Variants in ZNF782 observed in about 807,000 individuals in gnomAD.
ZNF782 encodes the protein zinc finger protein 782.
In ZNF782, 12 loss-of-function variants were observed where a neutral mutation model predicts 13.0. The observed-to-expected ratio is 0.92, with a 90% CI of 0.59 to 1.50. ZNF782 has a LOEUF of 1.50. ZNF782 is among the 40% of genes most tolerant of loss of function. The pLI is 0.00. For missense variants in ZNF782, 770 were observed against 822.9 expected, an observed-to-expected ratio of 0.94 and a Z score of 0.79; for synonymous variants, 284 against 283.0, an observed-to-expected ratio of 1.00 and a Z score of -0.04.
At chr9:96,909,938 A>G in the ZNF782 span, 2 of 391,788 alleles carry the variant, frequency 5.1e-6, no homozygotes, top group Non-Finnish European at 9.6e-6. Flanking sequence ...CTGAAAAGCC[A>G]TCTTTGCATT....
At chr9:96,864,355 TAA>T (rs777452653) in intron 1 of ZNF782, among the ~76,000 whole-genome samples, 1 of 151,946 alleles carries the variant, frequency 6.6e-6, no homozygotes, top group East Asian at 1.9e-4. Flanking sequence ...TGGAAAAACA[TAA>T]AAGAGTTTAT....
chr9:96,929,184 T>G, the ZNF782 span: 9 of 1,294,224 alleles, frequency 7.0e-6, no homozygotes, highest in Non-Finnish European at 9.9e-6. Context: ...CACCTGGGGA[T>G]GGCCATGGCA....
At chr9:96,893,905 C>T in the ZNF782 span, 3 of 139,154 alleles carry the variant, frequency 2.2e-5, no homozygotes, top group South Asian at 4.4e-4. Context: ...GAGGCTGAGG[C>T]GGGAGAATGC....
the ZNF782 span, among the ~76,000 whole-genome samples, chr9:96,899,854 C>T: frequency 6.6e-6 from 1 of 151,872 alleles, no homozygotes; most frequent in Admixed American, 6.6e-5. Flanking sequence ...GGCTGGGGTG[C>T]AGTGGCACCG....
chr9:96,914,512 G>GT, the ZNF782 span, among the ~76,000 whole-genome samples: 5 of 150,808 alleles, frequency 3.3e-5, no homozygotes, highest in Non-Finnish European at 7.4e-5. Context: ...ACATACAAAT[G>GT]TAAGAATAGC....
At chr9:96,926,459 T>C in the ZNF782 span, among the ~76,000 whole-genome samples, 30 of 152,350 alleles carry the variant, frequency 2.0e-4, no homozygotes, top group African/African-American at 7.2e-4. Flanking sequence ...AAGATCGAGG[T>C]AGAGTTGCAC....
the ZNF782 span, among the ~76,000 whole-genome samples, chr9:96,884,458 T>G: frequency 1.3e-5 from 2 of 152,132 alleles, no homozygotes; most frequent in Non-Finnish European, 2.9e-5. Flanking sequence ...TTCTCCCCTT[T>G]CCTGATATCA....
At position 96,816,886 on chromosome 9, in the gene ZNF782, T is replaced by C. The variant is rs927000493; in HGVS notation, c.*1037A>G. On this transcript the variant is annotated 3_prime_UTR_variant, in exon 6 of 6. Coordinates refer to ENST00000481138, the MANE Select transcript of ZNF782 (RefSeq NM_001001662.3). The stretch of plus-strand genomic sequence containing the variant: ...GTCCGAGATTTGTCCTATGTGACTT[T>C]TCTGACATACACTGAGTTCAGATGT... 2.0e-5 allele frequency: 3 copies of C among 152,240 alleles called. No individual in the cohort carries two copies. The highest frequency in any genetic ancestry group is 7.2e-5 in the African/African-American group (3 of 41,466). The allele number at this position is 152,240 out of a possible 1,614,324, so 9.4% of individuals were successfully genotyped here. A position where few individuals can be genotyped will look rare whatever the true frequency, so the allele number is the denominator to read the frequency against.
chr9:96,854,154 G>T lies in ZNF782; in HGVS notation c.-328C>A, dbSNP rs535137406. 129 of 152,296 alleles carry T rather than the reference G, an allele frequency of 8.5e-4. 1 individual carries two copies. The highest frequency in any genetic ancestry group is 3.0e-3 in the African/African-American group (125 of 41,550). 9.4% of individuals were successfully genotyped at this position (152,296 alleles called of 1,614,324 possible). ...CCCACCGTCCGGGGATTTCGGGCACGTTGTCGCCCGCGTTACAAATGCGCT... is the reference window on the plus strand; with the variant it reads ...CCCACCGTCCGGGGATTTCGGGCACTTTGTCGCCCGCGTTACAAATGCGCT... On this transcript the variant is annotated 5_prime_UTR_variant, in exon 1 of 6. Transcript: ENST00000481138.
At chr9:96,873,214 C>T (rs1307475715) in intron 1 of ZNF782, among the ~76,000 whole-genome samples, 1 of 152,126 alleles carries the variant, frequency 6.6e-6, no homozygotes, top group African/African-American at 2.4e-5. Flanking sequence ...CTCATCACCT[C>T]ATCTTGATAA....
chr9:96,910,685 G>A, the ZNF782 span, among the ~76,000 whole-genome samples: 1 of 150,506 alleles, frequency 6.6e-6, no homozygotes. Flanking sequence ...CACCCAGGCT[G>A]GAGTGCAGTG....
At chr9:96,853,862 G>T (rs1851577942) in intron 1 of ZNF782, among the ~76,000 whole-genome samples, 1 of 152,340 alleles carries the variant, frequency 6.6e-6, no homozygotes, top group Non-Finnish European at 1.5e-5. Context: ...GGTATACATA[G>T]GCACCCAACG....
intron 1 of ZNF782, among the ~76,000 whole-genome samples, chr9:96,873,432 GCT>G (rs1379077913): frequency 2.0e-5 from 3 of 152,210 alleles, no homozygotes; most frequent in African/African-American, 2.4e-5. Flanking sequence ...AGGTGTGGTG[GCT>G]CATGCCTGTA....
chr9:96,840,471 C>A (rs558193780), intron 4 of ZNF782, among the ~76,000 whole-genome samples: 2 of 152,028 alleles, frequency 1.3e-5, no homozygotes, highest in African/African-American at 4.8e-5. Flanking sequence ...TATCCTTCAC[C>A]CAGCTTCAAA....
At chr9:96,901,542 G>C in the ZNF782 span, among the ~76,000 whole-genome samples, 32 of 152,066 alleles carry the variant, frequency 2.1e-4, no homozygotes, top group Middle Eastern at 3.4e-3. Context: ...AAAGCGCTGG[G>C]ATTACAGACG....
chr9:96,827,770 C>T (rs1850674088), intron 4 of ZNF782, among the ~76,000 whole-genome samples: 1 of 152,160 alleles, frequency 6.6e-6, no homozygotes, highest in Non-Finnish European at 1.5e-5. Flanking sequence ...ATTTCCATAA[C>T]AGACAACTAA....
chr9:96,844,806 T>G, intron 4 of ZNF782, 84 bp downstream of exon 4: 1 of 1,594,548 alleles, frequency 6.3e-7, no homozygotes, highest in Non-Finnish European at 8.6e-7. Flanking sequence ...GTAGAGGGAG[T>G]CACATGGTAC....
rs1851269707 is a variant in ZNF782, at chr9:96,844,058, C to T, written c.142+832G>A. On this transcript the variant is annotated intron_variant, in intron 4 of 5. Coordinates refer to ENST00000481138, the MANE Select transcript of ZNF782 (RefSeq NM_001001662.3). ...GTCATCAGGAAAATGCAAATTAAAA[C>T]CCAACTAGAACTGTTAAAAACAGCA... Among the ~76,000 whole-genome samples the T allele has an allele frequency of 3.3e-5, 5 of 152,190 alleles. No homozygotes were observed. The South Asian group carries it at 1.0e-3, about 32-fold the overall frequency.
intron 1 of ZNF782, among the ~76,000 whole-genome samples, chr9:96,865,378 G>A (rs1362861729): frequency 1.3e-5 from 2 of 151,914 alleles, no homozygotes; most frequent in Non-Finnish European, 2.9e-5. Flanking sequence ...GAGATCTGAT[G>A]GTATTATAAG....
Sources: gnomAD v4.1 joint callset for allele counts (sites outside exome capture counted in the v4.1 genomes callset) on GRCh38, gnomAD v4.1.1 for gene constraint, MANE v1.5 for transcripts, NCBI Gene and HGNC (gene_info 2026-07-23, HGNC 2026-07-21) for gene names.